Variants in NIPBL observed in about 807,000 individuals in gnomAD.
NIPBL encodes nipped-B-like protein.
Under a neutral mutation model 321.8 loss-of-function variants are expected in NIPBL, and 19 were observed. The observed-to-expected ratio is 0.06, with a 90% CI of 0.04 to 0.09. The LOEUF (loss-of-function observed/expected upper bound fraction) is 0.09, where lower values mean the gene tolerates loss of function less well. NIPBL is among the 10% of genes least tolerant of loss of function. The pLI, the probability that NIPBL is intolerant of heterozygous loss-of-function variation, is 1.00. For missense variants in NIPBL, 2,210 were observed against 3,327.0 expected (o/e 0.66, Z 8.26); for synonymous variants, 1,106 against 1,114.1 (o/e 0.99, Z 0.14).
At chr5:37,061,420 G>A (rs1449502105) in intron 45 of NIPBL, among the ~76,000 whole-genome samples, 1 of 152,194 alleles carries the variant, frequency 6.6e-6, no homozygotes, top group African/African-American at 2.4e-5. Context: ...GCTCACACCT[G>A]TCATTCCAGT....
At chr5:37,021,127 C>T (rs1749582992) in intron 27 of NIPBL, among the ~76,000 whole-genome samples, 1 of 152,118 alleles carries the variant, frequency 6.6e-6, no homozygotes, top group Non-Finnish European at 1.5e-5. Flanking sequence ...GGTGAAACCC[C>T]GTCTCTACTA....
intron 9 of NIPBL, among the ~76,000 whole-genome samples, chr5:36,983,902 GA>G (rs1744429445): frequency 6.6e-6 from 1 of 151,990 alleles, no homozygotes; most frequent in Non-Finnish European, 1.5e-5. Context: ...TTATATCGAA[GA>G]GTAGGAACTG....
At chr5:36,903,530 G>C (rs924319373) in intron 1 of NIPBL, among the ~76,000 whole-genome samples, 51 of 152,022 alleles carry the variant, frequency 3.4e-4, no homozygotes, top group African/African-American at 1.2e-3. Context: ...GTCGGGGAGG[G>C]GACAGTGGTA....
chr5:36,892,581 A>G (rs1028566181), intron 1 of NIPBL, among the ~76,000 whole-genome samples: 2 of 152,204 alleles, frequency 1.3e-5, no homozygotes, highest in African/African-American at 4.8e-5. Context: ...AATGTGGCAC[A>G]TATACACCAT....
intron 1 of NIPBL, among the ~76,000 whole-genome samples, chr5:36,908,431 T>C (rs1284279141): frequency 1.9e-5 from 2 of 105,770 alleles, no homozygotes; most frequent in South Asian, 2.8e-4. Context: ...TTTCCTAAAT[T>C]AGAAACAAGT....
chr5:36,970,965 C>T lies in NIPBL; in HGVS notation c.700C>T (p.His234Tyr), dbSNP rs541789068. Residue 234 changes from histidine (H) to tyrosine (Y), a missense_variant, in exon 7 of 47, where the codon CAT becomes TAT. His to Tyr is a moderately conservative substitution (Grantham distance 83, BLOSUM62 2). Transcript: ENST00000282516. The stretch of plus-strand genomic sequence containing the variant: ...TCCGTTGTCTGGCAATTCAGCTAAT[C>T]ATCATGCTGATAATCCTAGACATGG... Reference protein sequence around the residue: ...SGPLSGNSANHHADNPRHGSS... With the variant: ...SGPLSGNSANYHADNPRHGSS... The T allele has an allele frequency of 2.5e-6, 4 of 1,613,148 alleles. No homozygotes were observed. The Admixed American group carries it at 6.7e-5, about 27-fold the overall frequency.
Position 37,056,664 on chromosome 5 carries a change from T to C in NIPBL, c.7264-522T>C, listed in dbSNP as rs188794170. On this transcript the variant is annotated intron_variant, in intron 42 of 46. Coordinates refer to ENST00000282516, the MANE Select transcript of NIPBL (RefSeq NM_133433.4). ...TCTTTTAACCTATGTATTAGTACTATAATTACTAGTTATTTTGAGGGCAGA... is the reference window on the plus strand; with the variant it reads ...TCTTTTAACCTATGTATTAGTACTACAATTACTAGTTATTTTGAGGGCAGA... Among the ~76,000 whole-genome samples the C allele has an allele frequency of 7.1e-3, 1,087 of 152,284 alleles. 17 individuals are homozygous for C. Among genetic ancestry groups the C allele is most frequent in the Admixed American group, 0.028 (435 of 15,290 alleles).
intron 38 of NIPBL, among the ~76,000 whole-genome samples, chr5:37,047,691 A>G (rs1753122613): frequency 6.6e-6 from 1 of 152,216 alleles, no homozygotes; most frequent in African/African-American, 2.4e-5. Context: ...CCAGTTAATA[A>G]AAGACATCTT....
intron 1 of NIPBL, among the ~76,000 whole-genome samples, chr5:36,923,401 A>G (rs77780995): frequency 0.12 from 18,657 of 152,150 alleles, 1,233 homozygotes; most frequent in Admixed American, 0.19. Context: ...TTTTCCTTTC[A>G]TGGATAAGTT....
intron 25 of NIPBL, among the ~76,000 whole-genome samples, chr5:37,020,182 A>G (rs1013455108): frequency 2.6e-5 from 4 of 152,244 alleles, no homozygotes; most frequent in African/African-American, 9.6e-5. Context: ...TTGATTAAGT[A>G]GTTGATAATA....
intron 1 of NIPBL, among the ~76,000 whole-genome samples, chr5:36,888,545 A>G (rs1176771863): frequency 1.3e-5 from 2 of 152,120 alleles, no homozygotes; most frequent in African/African-American, 4.8e-5. Flanking sequence ...TACTTAAATA[A>G]CATTTTCACT....
chr5:36,936,554 A>C (rs1361341898), intron 1 of NIPBL, among the ~76,000 whole-genome samples: 2 of 152,110 alleles, frequency 1.3e-5, no homozygotes, highest in Non-Finnish European at 1.5e-5. Context: ...CTAATGGTAC[A>C]TTTCTCAGAA....
At chr5:36,961,400 T>G (rs1741607074) in intron 4 of NIPBL, 84 bp from the exon 5 acceptor site, 2 of 861,918 alleles carry the variant, frequency 2.3e-6, no homozygotes, top group Admixed American at 1.8e-5. Context: ...CTGGAATGTT[T>G]GAAAGAATAA....
At chr5:37,011,029 G>A (rs548430176) in intron 21 of NIPBL, among the ~76,000 whole-genome samples, 1 of 152,196 alleles carries the variant, frequency 6.6e-6, no homozygotes, top group Admixed American at 6.5e-5. Flanking sequence ...CATAACATAG[G>A]ATTATAATTA....
intron 43 of NIPBL, 90 bp downstream of exon 43, chr5:37,057,422 C>G (rs1446552462): frequency 2.6e-5 from 33 of 1,269,440 alleles, no homozygotes; most frequent in African/African-American, 8.8e-5. Context: ...TCTTTTTATC[C>G]TCTTCACGAG....
At chr5:36,973,999 T>C (rs1166742891) in intron 8 of NIPBL, among the ~76,000 whole-genome samples, 1 of 152,184 alleles carries the variant, frequency 6.6e-6, no homozygotes, top group African/African-American at 2.4e-5. Flanking sequence ...TTCAATTCTG[T>C]AAATTGTATG....
At chr5:36,894,315 G>A (rs954131252) in intron 1 of NIPBL, among the ~76,000 whole-genome samples, 24 of 151,992 alleles carry the variant, frequency 1.6e-4, no homozygotes, top group Non-Finnish European at 2.8e-4. Context: ...GCTAGAAACC[G>A]CAGATAAAGT....
At chr5:36,934,884 G>A (rs771722356) in intron 1 of NIPBL, among the ~76,000 whole-genome samples, 3 of 151,928 alleles carry the variant, frequency 2.0e-5, no homozygotes, top group Non-Finnish European at 4.4e-5. Context: ...TCAATCTAAG[G>A]TACAAGAAAG....
chr5:36,943,557 A>C (rs1325088867), intron 1 of NIPBL, among the ~76,000 whole-genome samples: 2 of 152,052 alleles, frequency 1.3e-5, no homozygotes, highest in African/African-American at 2.4e-5. Flanking sequence ...TAAAAAAAAA[A>C]CCCTAGCATC....
Sources: gnomAD v4.1 joint callset for allele counts (sites outside exome capture counted in the v4.1 genomes callset) on GRCh38, gnomAD v4.1.1 for gene constraint, MANE v1.5 for transcripts, NCBI Gene and HGNC (gene_info 2026-07-23, HGNC 2026-07-21) for gene names.